DYNC1I1: variants seen among roughly 807,000 people sequenced by gnomAD.
DYNC1I1 encodes cytoplasmic dynein 1 intermediate chain 1.
A neutral mutation model predicts 86.6 loss-of-function variants in DYNC1I1; 43 were observed. The observed-to-expected ratio is 0.50, with a 90% CI of 0.39 to 0.64. The LOEUF (loss-of-function observed/expected upper bound fraction) is 0.64. DYNC1I1 is among the 30% of genes least tolerant of loss of function. DYNC1I1 has a pLI of 0.00. For missense variants in DYNC1I1, 604 were observed against 788.8 expected, an observed-to-expected ratio of 0.77 and a Z score of 2.81; for synonymous variants, 262 against 283.7, an observed-to-expected ratio of 0.92 and a Z score of 0.77.
At chr7:95,892,653 G>T (rs1790774896) in intron 6 of DYNC1I1, among the ~76,000 whole-genome samples, 1 of 152,034 alleles carries the variant, frequency 6.6e-6, no homozygotes, top group African/African-American at 2.4e-5. Flanking sequence ...CACCATGTTG[G>T]CCAGGCTGAT....
intron 1 of DYNC1I1, among the ~76,000 whole-genome samples, chr7:95,803,833 C>A (rs1429556028): frequency 6.6e-6 from 1 of 152,122 alleles, no homozygotes; most frequent in East Asian, 1.9e-4. Flanking sequence ...TTTGGGAGCA[C>A]AAAAGACTCA....
At chr7:95,955,249 C>T (rs953275665) in intron 6 of DYNC1I1, among the ~76,000 whole-genome samples, 11 of 152,158 alleles carry the variant, frequency 7.2e-5, no homozygotes, top group Middle Eastern at 6.8e-3. Flanking sequence ...GATAAAAATA[C>T]ACACTTTGTC....
intron 6 of DYNC1I1, among the ~76,000 whole-genome samples, chr7:95,871,213 T>C (rs1048261838): frequency 1.3e-5 from 2 of 152,282 alleles, no homozygotes; most frequent in Admixed American, 6.5e-5. Flanking sequence ...AGTTCTTCAG[T>C]AGCAGGGCCT....
chr7:96,095,857 T>C (rs953659057), intron 16 of DYNC1I1, among the ~76,000 whole-genome samples: 3 of 152,118 alleles, frequency 2.0e-5, no homozygotes, highest in East Asian at 1.9e-4. Flanking sequence ...TCGTGGAATA[T>C]AGGAAAAGAG....
At chr7:95,882,970 G>A (rs143849038) in intron 6 of DYNC1I1, among the ~76,000 whole-genome samples, 19 of 152,248 alleles carry the variant, frequency 1.2e-4, no homozygotes, top group African/African-American at 4.6e-4. Flanking sequence ...GTGTTCTGTG[G>A]TCTCCTCTTT....
intron 1 of DYNC1I1, among the ~76,000 whole-genome samples, chr7:95,800,671 G>C (rs1272021771): frequency 6.6e-6 from 1 of 152,188 alleles, no homozygotes; most frequent in Non-Finnish European, 1.5e-5. Flanking sequence ...ATCAGACAGG[G>C]AGGAGCCCTA....
At chr7:95,883,878 C>T (rs1167420895) in intron 6 of DYNC1I1, among the ~76,000 whole-genome samples, 1 of 151,592 alleles carries the variant, frequency 6.6e-6, no homozygotes, top group African/African-American at 2.4e-5. Flanking sequence ...AGACGATTCT[C>T]AGCATCAGTT....
intron 4 of DYNC1I1, 58 bp from the exon 5 acceptor site, chr7:95,827,999 G>C: frequency 6.3e-7 from 1 of 1,595,598 alleles, no homozygotes; most frequent in Non-Finnish European, 8.6e-7. Context: ...GGTTTGGTTT[G>C]TTGCCCTCCC....
At chr7:95,883,874 T>C (rs938912776) in intron 6 of DYNC1I1, among the ~76,000 whole-genome samples, 1 of 151,892 alleles carries the variant, frequency 6.6e-6, no homozygotes, top group Non-Finnish European at 1.5e-5. Context: ...ATAAAGACGA[T>C]TCTCAGCATC....
downstream of DYNC1I1, among the ~76,000 whole-genome samples, chr7:96,099,222 C>T (rs879237946): frequency 6.6e-6 from 1 of 152,130 alleles, no homozygotes; most frequent in Admixed American, 6.5e-5. Context: ...GTACAAAGGC[C>T]TGAGTCACTT....
At chr7:95,819,809 C>G (rs1795034445) in intron 4 of DYNC1I1, among the ~76,000 whole-genome samples, 7 of 152,102 alleles carry the variant, frequency 4.6e-5, no homozygotes, top group Admixed American at 4.6e-4. Flanking sequence ...AGGGTTTTCT[C>G]TTTATGCAGC....
chr7:95,914,032 C>T (rs1791406649), intron 6 of DYNC1I1, among the ~76,000 whole-genome samples: 1 of 152,162 alleles, frequency 6.6e-6, no homozygotes, highest in South Asian at 2.1e-4. Context: ...TAGCTTTGAC[C>T]TGTTTCATGG....
chr7:96,039,126 A>G, intron 13 of DYNC1I1, 151 bp from the exon 14 acceptor site: 1 of 807,748 alleles, frequency 1.2e-6, no homozygotes, highest in Admixed American at 2.9e-5. Flanking sequence ...TTCTTTCAGG[A>G]TAACTGTAAA....
intron 9 of DYNC1I1, among the ~76,000 whole-genome samples, chr7:95,989,587 C>T (rs1029787958): frequency 1.3e-5 from 2 of 152,162 alleles, no homozygotes; most frequent in Admixed American, 6.5e-5. Context: ...TGAGGAGGCA[C>T]GGGGTGGGGC....
At chr7:95,986,278 C>T (rs1213690862) in intron 8 of DYNC1I1, among the ~76,000 whole-genome samples, 1 of 152,016 alleles carries the variant, frequency 6.6e-6, no homozygotes, top group African/African-American at 2.4e-5. Context: ...GAACCAAAGC[C>T]CAAGCAACTT....
intron 6 of DYNC1I1, among the ~76,000 whole-genome samples, chr7:95,902,424 C>T (rs1791063164): frequency 6.6e-6 from 1 of 152,154 alleles, no homozygotes; most frequent in Non-Finnish European, 1.5e-5. Flanking sequence ...GTTAGCATCA[C>T]TTCTTGTTAG....
chr7:95,880,377 A>G (rs1790420724), intron 6 of DYNC1I1, among the ~76,000 whole-genome samples: 1 of 152,066 alleles, frequency 6.6e-6, no homozygotes, highest in Non-Finnish European at 1.5e-5. Context: ...AGGAGGTGGA[A>G]TGATTTATCC....
rs149830072 is a variant in DYNC1I1, at chr7:95,810,470, C to T, written c.187C>T (p.Leu63=). 270 of 1,612,806 alleles carry T rather than the reference C, an allele frequency of 1.7e-4. No homozygotes were observed. Among genetic ancestry groups the T allele is most frequent in the Non-Finnish European group, 3.6e-5 (43 of 1,179,354 alleles). ...CAAACGACGAGAGACAGAGGCTTTG[C>T]TGCAAAGCATTGGTATCTCACCGGA... is the stretch of plus-strand genomic sequence containing the variant. ...DRKRRETEAL[L]QSIGISPEPP... is the part of the protein sequence containing the mutation. Residue 63 remains leucine (L), a synonymous_variant, in exon 3 of 17, where the codon CTG becomes TTG. Transcript: ENST00000447467.
chr7:95,945,952 A>G (rs1383207113), intron 6 of DYNC1I1, among the ~76,000 whole-genome samples: 1 of 152,220 alleles, frequency 6.6e-6, no homozygotes, highest in African/African-American at 2.4e-5. Flanking sequence ...GTACAGAGAT[A>G]CCATGGAATA....
Sources: gnomAD v4.1 joint callset for allele counts (sites outside exome capture counted in the v4.1 genomes callset) on GRCh38, gnomAD v4.1.1 for gene constraint, MANE v1.5 for transcripts, NCBI Gene and HGNC (gene_info 2026-07-23, HGNC 2026-07-21) for gene names.